The following UNC5D variants were observed in gnomAD, a reference collection of about 807,000 sequenced individuals.
The protein encoded by UNC5D is unc-5 netrin receptor D.
A neutral mutation model predicts 105.4 loss-of-function variants in UNC5D; 39 were observed. The observed-to-expected ratio is 0.37, with a 90% CI of 0.29 to 0.48. The LOEUF (loss-of-function observed/expected upper bound fraction) is 0.48, where lower values mean the gene tolerates loss of function less well. Among genes scored for constraint, UNC5D ranks in the 20% least tolerant of loss-of-function variants. UNC5D has a pLI of 0.98. For missense variants in UNC5D, 991 were observed against 1,202.4 expected, an observed-to-expected ratio of 0.82 and a Z score of 2.60; for synonymous variants, 452 against 450.4, an observed-to-expected ratio of 1.00 and a Z score of -0.04.
At chr8:35,389,239 A>G (rs1011121248) in intron 1 of UNC5D, among the ~76,000 whole-genome samples, 2 of 152,176 alleles carry the variant, frequency 1.3e-5, no homozygotes, top group African/African-American at 4.8e-5. Context: ...GGATTGAGAA[A>G]TCCTGCATTA....
At chr8:35,315,462 C>T (rs934387707) in intron 1 of UNC5D, among the ~76,000 whole-genome samples, 3 of 152,210 alleles carry the variant, frequency 2.0e-5, no homozygotes, top group South Asian at 2.1e-4. Context: ...GACTGGGCCA[C>T]GTGTCTCTGG....
intron 3 of UNC5D, among the ~76,000 whole-genome samples, chr8:35,583,917 G>C (rs560294095): frequency 3.8e-4 from 58 of 152,200 alleles, no homozygotes; most frequent in African/African-American, 1.4e-3. Flanking sequence ...GTTTCCTTAT[G>C]GGGGGTTCCT....
chr8:35,267,843 A>C (rs909673940), intron 1 of UNC5D, among the ~76,000 whole-genome samples: 1 of 152,148 alleles, frequency 6.6e-6, no homozygotes, highest in African/African-American at 2.4e-5. Flanking sequence ...TTTTTTCAGA[A>C]AGGAAAATTG....
At chr8:35,593,068 C>T (rs1163689914) in intron 3 of UNC5D, among the ~76,000 whole-genome samples, 1 of 151,784 alleles carries the variant, frequency 6.6e-6, no homozygotes, top group Non-Finnish European at 1.5e-5. Flanking sequence ...CACACACACA[C>T]ACACACACAC....
At chr8:35,465,300 G>A (rs902883978) in intron 1 of UNC5D, among the ~76,000 whole-genome samples, 2 of 152,186 alleles carry the variant, frequency 1.3e-5, no homozygotes, top group Admixed American at 1.3e-4. Flanking sequence ...GCTGAGGTGG[G>A]AAGACCACAT....
chr8:35,490,651 A>G (rs1811155625), intron 1 of UNC5D, among the ~76,000 whole-genome samples: 1 of 152,212 alleles, frequency 6.6e-6, no homozygotes, highest in Non-Finnish European at 1.5e-5. Flanking sequence ...TAAGCATACT[A>G]TGTAATGCCT....
At chr8:35,294,791 T>C (rs1210803755) in intron 1 of UNC5D, among the ~76,000 whole-genome samples, 1 of 151,920 alleles carries the variant, frequency 6.6e-6, no homozygotes, top group African/African-American at 2.4e-5. Context: ...CTACGGTATG[T>C]ATTAAGCAGC....
intron 3 of UNC5D, among the ~76,000 whole-genome samples, chr8:35,590,266 A>G (rs990442185): frequency 3.9e-5 from 6 of 152,138 alleles, no homozygotes; most frequent in African/African-American, 1.4e-4. Flanking sequence ...TAATTTTGAC[A>G]AAACACTACC....
At chr8:35,422,049 A>G (rs2897245) in intron 1 of UNC5D, among the ~76,000 whole-genome samples, 64,334 of 152,002 alleles carry the variant, frequency 0.42, 13,748 homozygotes, top group East Asian at 0.54. Context: ...TAACTCTGAA[A>G]TGATGTTTTG....
intron 1 of UNC5D, among the ~76,000 whole-genome samples, chr8:35,300,446 C>CAAAAAAAAAAAAAAAAAAAAAAAAAAA (rs752599540): frequency 1.7e-5 from 1 of 58,416 alleles, no homozygotes; most frequent in African/African-American, 6.4e-5. Context: ...GACTCCCTCT[C>CAAAAAAAAAAAAAAAAAAAAAAAAAAA]AAAAAAAAAA....
chr8:35,494,712 T>A (rs1811437273), intron 1 of UNC5D, among the ~76,000 whole-genome samples: 1 of 152,226 alleles, frequency 6.6e-6, no homozygotes, highest in Admixed American at 6.5e-5. Flanking sequence ...CAGACACAAT[T>A]GTCCAGAATA....
intron 1 of UNC5D, among the ~76,000 whole-genome samples, chr8:35,527,207 G>A (rs1002735419): frequency 2.5e-4 from 37 of 149,466 alleles, no homozygotes; most frequent in African/African-American, 8.6e-4. Context: ...TGATTTCCTT[G>A]TCTGGCCAGT....
chr8:35,433,424 A>C (rs1057149978), intron 1 of UNC5D, among the ~76,000 whole-genome samples: 2 of 152,170 alleles, frequency 1.3e-5, no homozygotes, highest in Non-Finnish European at 2.9e-5. Context: ...ATGAGAGGAA[A>C]AGCTAACAGA....
At chr8:35,708,308 A>T (rs1439610583) in intron 8 of UNC5D, among the ~76,000 whole-genome samples, 1 of 152,206 alleles carries the variant, frequency 6.6e-6, no homozygotes, top group Admixed American at 6.5e-5. Context: ...TGGGGAAAAT[A>T]TGTGCACTGC....
chr8:35,594,223 A>G (rs1489628705), intron 3 of UNC5D, among the ~76,000 whole-genome samples: 1 of 152,222 alleles, frequency 6.6e-6, no homozygotes, highest in Non-Finnish European at 1.5e-5. Flanking sequence ...TGCTACTAAC[A>G]AAAGACATTG....
intron 11 of UNC5D, among the ~76,000 whole-genome samples, chr8:35,731,717 T>G (rs1412193175): frequency 6.6e-6 from 1 of 152,136 alleles, no homozygotes; most frequent in Non-Finnish European, 1.5e-5. Context: ...AAAGAAAATA[T>G]CCCCGGAGGC....
At chr8:35,292,637 A>T (rs1390880526) in intron 1 of UNC5D, among the ~76,000 whole-genome samples, 1 of 152,148 alleles carries the variant, frequency 6.6e-6, no homozygotes. Context: ...GTTGATAGAA[A>T]GCCTTAACAA....
chr8:35,273,832 G>C (rs960205680), intron 1 of UNC5D, among the ~76,000 whole-genome samples: 1 of 152,128 alleles, frequency 6.6e-6, no homozygotes, highest in Admixed American at 6.5e-5. Context: ...ACAAAGCCTG[G>C]AAAAGTTTGT....
At chr8:35,594,555 G>T (rs2130897434) in intron 3 of UNC5D, among the ~76,000 whole-genome samples, 1 of 152,114 alleles carries the variant, frequency 6.6e-6, no homozygotes, top group East Asian at 1.9e-4. Context: ...ACCTGTCTTT[G>T]CCCTACTATC....
Sources: gnomAD v4.1 joint callset for allele counts (sites outside exome capture counted in the v4.1 genomes callset) on GRCh38, gnomAD v4.1.1 for gene constraint, MANE v1.5 for transcripts, NCBI Gene and HGNC (gene_info 2026-07-23, HGNC 2026-07-21) for gene names.